Variants in CRTC1 observed in about 807,000 individuals in gnomAD.
CRTC1 encodes CREB regulated transcription coactivator 1, also known as CREB-regulated transcription coactivator 1.
A neutral mutation model predicts 66.1 loss-of-function variants in CRTC1; 18 were observed. The observed-to-expected ratio is 0.27, with a 90% CI of 0.19 to 0.40. The LOEUF is 0.40. CRTC1 is among the 10% of genes least tolerant of loss of function. CRTC1 has a pLI of 1.00. For missense variants in CRTC1, 669 were observed against 887.9 expected (o/e 0.75, Z 3.13); for synonymous variants, 416 against 398.8 (o/e 1.04, Z -0.51).
chr19:18,770,744 CTTGT>C (rs1245301624), intron 10 of CRTC1, among the ~76,000 whole-genome samples: 7 of 149,484 alleles, frequency 4.7e-5, no homozygotes, highest in Admixed American at 1.3e-4. Flanking sequence ...GATATGTGTG[CTTGT>C]GTGGGTGTGT....
chr19:18,700,735 C>T (rs2053116289), intron 1 of CRTC1, among the ~76,000 whole-genome samples: 1 of 152,158 alleles, frequency 6.6e-6, no homozygotes. Flanking sequence ...GGCTGGCCGT[C>T]CCTCTGGCTG....
intron 1 of CRTC1, among the ~76,000 whole-genome samples, chr19:18,697,624 C>T (rs2145510766): frequency 6.6e-6 from 1 of 152,344 alleles, no homozygotes; most frequent in South Asian, 2.1e-4. Flanking sequence ...CTGGGAGGCC[C>T]TGCTGTCTTT....
At chr19:18,713,359 C>T (rs2053433834) in intron 1 of CRTC1, among the ~76,000 whole-genome samples, 1 of 152,200 alleles carries the variant, frequency 6.6e-6, no homozygotes, top group Admixed American at 6.5e-5. Flanking sequence ...ATGTGTGTTG[C>T]AGGGTTTGTG....
Position 18,780,167 on chromosome 19 carries a change from C to A in CRTC1, c.*2785C>A, listed in dbSNP as rs2055075974. The A allele has an allele frequency of 4.3e-6, 1 of 231,946 alleles. No homozygotes were observed. Among genetic ancestry groups the A allele is most frequent in the East Asian group, 6.1e-5 (1 of 16,416 alleles). 14.4% of individuals were successfully genotyped at this position (231,946 alleles called of 1,614,324 possible). ...AGGTTGCGCCGTGTACATAGACCCG[C>A]CGTCTGTGTCCTTGGTCAGGCCCGG... On this transcript the variant is annotated 3_prime_UTR_variant, in exon 14 of 14. Transcript: ENST00000321949.
Position 18,781,297 on chromosome 19 carries a change from G to A in CRTC1, c.*3915G>A. 1 of 228,436 alleles carries A rather than the reference G, an allele frequency of 4.4e-6. No homozygotes were observed. The highest frequency in any genetic ancestry group is 8.7e-6 in the Non-Finnish European group (1 of 115,138). 14.2% of individuals were successfully genotyped at this position (228,436 alleles called of 1,614,324 possible). ...CTCGGCCCCTCACTCACCCTGGGAG[G>A]CCTGCCTGGGCTACATGGACACCTG... is the stretch of plus-strand genomic sequence containing the variant. On this transcript the variant is annotated 3_prime_UTR_variant, in exon 14 of 14. Coordinates refer to ENST00000321949, the MANE Select transcript of CRTC1 (RefSeq NM_015321.3).
At chr19:18,775,936 C>T (rs2054978839) in intron 13 of CRTC1, 115 bp downstream of exon 13, 3 of 1,152,256 alleles carry the variant, frequency 2.6e-6, no homozygotes, top group Admixed American at 5.9e-5. Context: ...GGTTGTGACC[C>T]AAGCTTGATG....
chr19:18,683,710 C>A lies in CRTC1; in HGVS notation c.8C>A (p.Thr3Asn). The change falls in exon 1 of 14, where the codon ACT becomes AAT. Residue 3 changes from threonine to asparagine, a missense_variant. By Grantham distance (65) the Thr-to-Asn change is moderately conservative. Around this residue, in one of 8 missense-constraint regions of CRTC1, gnomAD observed 23 missense variants for 30.6 expected, o/e 0.75. Coordinates refer to ENST00000321949, the MANE Select transcript of CRTC1 (RefSeq NM_015321.3). ...GGAGGTGGCGGCGAGAAGATGGCGA[C>A]TTCGAACAATCCGCGGAAATTCAGC... MATSNNPRKFSEK... is the reference protein window; with the variant it reads MANSNNPRKFSEK... The A allele has an allele frequency of 7.2e-7, 1 of 1,397,764 alleles. No individual in the cohort carries two copies. Among genetic ancestry groups the A allele is most frequent in the Non-Finnish European group, 9.5e-7 (1 of 1,051,320 alleles). The allele number at this position is 1,397,764 out of a possible 1,614,324, so 86.6% of individuals were successfully genotyped here. A position where few individuals can be genotyped will look rare whatever the true frequency, so the allele number is the denominator to read the frequency against.
intron 1 of CRTC1, among the ~76,000 whole-genome samples, chr19:18,732,700 G>A (rs1029661738): frequency 1.3e-5 from 2 of 152,150 alleles, no homozygotes; most frequent in Non-Finnish European, 2.9e-5. Flanking sequence ...AAAAGGCAGA[G>A]GAGGGCCTTG....
intron 4 of CRTC1, among the ~76,000 whole-genome samples, chr19:18,748,838 C>T (rs780341175): frequency 6.6e-6 from 1 of 152,016 alleles, no homozygotes; most frequent in African/African-American, 2.4e-5. Flanking sequence ...AAATTCTCAC[C>T]AAGCCCGTAT....
At chr19:18,755,401 G>A (rs2054460849) in intron 6 of CRTC1, among the ~76,000 whole-genome samples, 2 of 151,590 alleles carry the variant, frequency 1.3e-5, no homozygotes, top group African/African-American at 2.4e-5. Context: ...TGGGACTACA[G>A]GTGCATGCCA....
chr19:18,757,351 A>G (rs569085127), intron 6 of CRTC1, among the ~76,000 whole-genome samples: 3 of 151,596 alleles, frequency 2.0e-5, no homozygotes, highest in East Asian at 1.9e-4. Context: ...AGTGCCCCCA[A>G]CTCACAGGGG....
chr19:18,765,533 G>T lies in CRTC1; in HGVS notation c.1011+5G>T. The T allele has an allele frequency of 6.2e-7, 1 of 1,600,390 alleles. No individual in the cohort carries two copies. The highest frequency in any genetic ancestry group is 8.5e-7 in the Non-Finnish European group (1 of 1,176,420). On this transcript the variant is annotated splice_donor_5th_base_variant and intron_variant, in intron 9 of 13. Coordinates refer to ENST00000321949, the MANE Select transcript of CRTC1 (RefSeq NM_015321.3). ...CCGCTGTCACCCATCACTCAGGTGC[G>T]AGGGCAAGGTGGGGGGCAGGTGGGA... is the stretch of plus-strand genomic sequence containing the variant.
At chr19:18,691,146 G>C (rs553207156) in intron 1 of CRTC1, among the ~76,000 whole-genome samples, 4 of 145,872 alleles carry the variant, frequency 2.7e-5, no homozygotes, top group Non-Finnish European at 6.0e-5. Context: ...AGGTTACAGT[G>C]AATTATAATC....
chr19:18,721,820 A>G (rs1446518825), intron 1 of CRTC1, among the ~76,000 whole-genome samples: 1 of 152,168 alleles, frequency 6.6e-6, no homozygotes, highest in South Asian at 2.1e-4. Flanking sequence ...CTCTCCAAAT[A>G]CAGTCACATT....
rs545037635 is a variant in CRTC1, at chr19:18,723,510, C to T, written c.127-19400C>T. Among the ~76,000 whole-genome samples, 18 of 152,334 alleles carry T rather than the reference C, an allele frequency of 1.2e-4. 1 individual carries two copies. The highest frequency in any genetic ancestry group is 4.3e-4 in the African/African-American group (18 of 41,578). ...TCTGTGTCACCACAGCCCAGAGGTG[C>T]GGAGCCACGTGGTGTCTCCATGCTG... is the stretch of plus-strand genomic sequence containing the variant. On this transcript the variant is annotated intron_variant, in intron 1 of 13. Coordinates refer to ENST00000321949, the MANE Select transcript of CRTC1 (RefSeq NM_015321.3).
chr19:18,756,043 A>G (rs889786860), intron 6 of CRTC1, among the ~76,000 whole-genome samples: 1 of 152,180 alleles, frequency 6.6e-6, no homozygotes, highest in African/African-American at 2.4e-5. Context: ...ACTTTAAAAA[A>G]GAACCCTAGG....
intron 2 of CRTC1, among the ~76,000 whole-genome samples, chr19:18,743,235 C>T (rs1374912936): frequency 1.3e-5 from 2 of 152,268 alleles, no homozygotes; most frequent in East Asian, 1.9e-4. Flanking sequence ...CAGCAGACCC[C>T]GAGGCGAGCC....
chr19:18,762,145 A>T (rs2054628024), intron 8 of CRTC1, among the ~76,000 whole-genome samples: 1 of 152,052 alleles, frequency 6.6e-6, no homozygotes, highest in East Asian at 1.9e-4. Context: ...TTCCCCTCAC[A>T]TCTCTTCACG....
At position 18,747,131 on chromosome 19, in the gene CRTC1, C is replaced by CCCCA; in HGVS notation, c.443+20_443+21insACCC. 1.3e-6 allele frequency: 1 copy of CCCCA among 759,318 alleles called. No individual in the cohort carries two copies. The highest frequency in any genetic ancestry group is 2.1e-6 in the Non-Finnish European group (1 of 477,758). The allele number at this position is 759,318 out of a possible 1,614,324, so 47.0% of individuals were successfully genotyped here. On this transcript the variant is annotated intron_variant, in intron 4 of 13. Coordinates refer to ENST00000321949, the MANE Select transcript of CRTC1 (RefSeq NM_015321.3). ...CTGGAGAAGGTCAGTGGCTGGACAC[C>CCCCA]CCCCCCCCGCCCCCTTCTTGTTGGA...
Sources: gnomAD v4.1 joint callset for allele counts (sites outside exome capture counted in the v4.1 genomes callset) on GRCh38, gnomAD v4.1.1 for gene constraint, gnomAD v4.1.1 regional missense constraint, MANE v1.5 for transcripts, NCBI Gene and HGNC (gene_info 2026-07-23, HGNC 2026-07-21) for gene names.